Variants in ANKLE2 observed in about 807,000 individuals in gnomAD.
The protein encoded by ANKLE2 is ankyrin repeat and LEM domain containing 2.
A neutral mutation model predicts 84.2 loss-of-function variants in ANKLE2; 55 were observed. That is an observed-to-expected ratio of 0.65 (90% confidence interval 0.53 to 0.82). The LOEUF (loss-of-function observed/expected upper bound fraction) is 0.82. Ranked by LOEUF, ANKLE2 falls within the 40% of genes least tolerant of loss-of-function variation. The pLI, the probability that ANKLE2 is intolerant of heterozygous loss-of-function variation, is 0.00. For synonymous variants in ANKLE2, 551 were observed against 486.1 expected (o/e 1.13, Z -1.76); for missense variants, 1,238 against 1,201.9 (o/e 1.03, Z -0.44).
chr12:132,735,034 G>A (rs1337267873), intron 9 of ANKLE2: 9 of 285,612 alleles, frequency 3.2e-5, no homozygotes, highest in Admixed American at 9.8e-5. Context: ...ACAATTCCAC[G>A]AAGCTTTATT....
chr12:132,734,638 G>GA (rs2043969943), intron 9 of ANKLE2, 63 bp from the exon 10 acceptor site: 8 of 1,488,394 alleles, frequency 5.4e-6, no homozygotes, highest in Non-Finnish European at 7.2e-6. Flanking sequence ...GAACTACACA[G>GA]AAAAAAGCCA....
intron 7 of ANKLE2, chr12:132,738,849 A>AT (rs147848130): frequency 0.059 from 9,009 of 152,106 alleles, 334 homozygotes; most frequent in East Asian, 0.11. Context: ...TATGCTTTTA[A>AT]TTTTTTTCTA....
Position 132,750,669 on chromosome 12 carries a change from G to A in ANKLE2, c.821C>T (p.Pro274Leu), listed in dbSNP as rs755735466. Residue 274 changes from proline to leucine, a missense_variant, in exon 3 of 13, where the codon CCA becomes CTA. This residue lies in a region of ANKLE2 where 422 missense variants were observed against 394.5 expected (regional missense o/e 1.07). Coordinates refer to ENST00000357997, the MANE Select transcript of ANKLE2 (RefSeq NM_015114.3). ...TTTCAACCTGTCATTGCTAAAGAGTGGAGCTGTTTTCACAGGAGACAGTGG... is the reference window on the plus strand; with the variant it reads ...TTTCAACCTGTCATTGCTAAAGAGTAGAGCTGTTTTCACAGGAGACAGTGG... ...SLPLSPVKTA[P>L]LFSNDRLKDG... 11 of 1,614,240 alleles carry A rather than the reference G, an allele frequency of 6.8e-6. No individual in the cohort carries two copies. In the East Asian group the frequency reaches 1.8e-4, roughly 26 times the overall value.
At chr12:132,727,629 C>T (rs10437916) in intron 12 of ANKLE2, among the ~76,000 whole-genome samples, 186 bp from the exon 13 acceptor site, 6,095 of 46,130 alleles carry the variant, frequency 0.13, 4 homozygotes, top group East Asian at 0.19. Flanking sequence ...CCTGGCACCG[C>T]GGGCACACGC....
intron 5 of ANKLE2, among the ~76,000 whole-genome samples, chr12:132,746,210 A>G (rs59343067): frequency 0.057 from 8,628 of 152,136 alleles, 314 homozygotes; most frequent in East Asian, 0.11. Flanking sequence ...TTAGCCAGGC[A>G]TGGTGGCGGG....
At position 132,734,580 on chromosome 12, in the gene ANKLE2, A is replaced by C. The variant is rs764714440; in HGVS notation, c.1701-5T>G. 1 of 1,600,004 alleles carries C rather than the reference A, an allele frequency of 6.2e-7. No individual in the cohort carries two copies. The highest frequency in any genetic ancestry group is 1.8e-5 in the Admixed American group (1 of 55,890). On this transcript the variant is annotated splice_polypyrimidine_tract_variant and splice_region_variant and intron_variant, in intron 9 of 12. Coordinates refer to ENST00000357997, the MANE Select transcript of ANKLE2 (RefSeq NM_015114.3). ...CCCAGCTCATGAGCTAGCTCCCTGT[A>C]AGAAACAAAACACAATTAACCAGCT...
Position 132,747,980 on chromosome 12 carries a change from T to A in ANKLE2, c.1082A>T (p.Glu361Val). 6.3e-7 allele frequency: 1 copy of A among 1,597,478 alleles called. No individual in the cohort carries two copies. Among genetic ancestry groups the A allele is most frequent in the Non-Finnish European group, 8.5e-7 (1 of 1,175,738 alleles). The change falls in exon 5 of 13, where the codon GAG becomes GTG. Residue 361 changes from glutamate to valine, a missense_variant. By Grantham distance (121) the Glu-to-Val change is moderately radical. Around this residue, in one of 3 missense-constraint regions of ANKLE2, gnomAD observed 802 missense variants for 774.5 expected, o/e 1.04. Coordinates refer to ENST00000357997, the MANE Select transcript of ANKLE2 (RefSeq NM_015114.3). The stretch of plus-strand genomic sequence containing the variant: ...CAGCTGGCAGATGGAAGCCTGGTTC[T>A]CTTTGGCAGCAACATGCATCACGTT... ...RYNVMHVAAK[E>V]NQASICQLTL...
chr12:132,735,402 G>C lies in ANKLE2; in HGVS notation c.1700+4C>G. 1.2e-6 allele frequency: 2 copies of C among 1,613,500 alleles called. No individual in the cohort carries two copies. The highest frequency in any genetic ancestry group is 1.7e-6 in the Non-Finnish European group (2 of 1,179,624). ...CACGCTGCTGCGGCTCAGCCTTTCA[G>C]TACCTTCCCACTCTCTCAAAGCCTC... On this transcript the variant is annotated splice_donor_region_variant and intron_variant, in intron 9 of 12. Transcript: ENST00000357997.
In ANKLE2 at chr12:132,726,945, C is replaced by T; in HGVS notation, c.*297G>A. ...CTGCCTGCCTGCAACTGCCTCAGCG[C>T]CCTTTCCTCTGCTATATTTCAGACC... On this transcript the variant is annotated 3_prime_UTR_variant, in exon 13 of 13. Transcript: ENST00000357997. The T allele has an allele frequency of 2.5e-6, 1 of 402,394 alleles. No individual in the cohort carries two copies. Among genetic ancestry groups the T allele is most frequent in the Non-Finnish European group, 4.5e-6 (1 of 224,172 alleles). The allele number at this position is 402,394 out of a possible 1,614,324, so 24.9% of individuals were successfully genotyped here.
chr12:132,752,637 G>A (rs989322056), intron 2 of ANKLE2, among the ~76,000 whole-genome samples: 16 of 152,150 alleles, frequency 1.1e-4, no homozygotes, highest in African/African-American at 3.6e-4. Flanking sequence ...CCAAAGTGCT[G>A]GGATTACAGG....
At chr12:132,737,280 T>C in intron 7 of ANKLE2, 1 of 469,604 alleles carries the variant, frequency 2.1e-6, no homozygotes, top group Non-Finnish European at 3.7e-6. Context: ...CTCACTTCAC[T>C]TAACCAGCCT....
intron 10 of ANKLE2, among the ~76,000 whole-genome samples, chr12:132,732,769 G>A (rs1484036674): frequency 7.8e-6 from 1 of 128,152 alleles, no homozygotes; most frequent in Non-Finnish European, 1.7e-5. Flanking sequence ...TGCGCGTCCT[G>A]GTGTCTGATA....
chr12:132,761,437 A>C, intron 1 of ANKLE2, 181 bp downstream of exon 1: 1 of 478,108 alleles, frequency 2.1e-6, no homozygotes, highest in Non-Finnish European at 3.2e-6. Flanking sequence ...CGGGAAGCCA[A>C]GTCCCCGCAA....
In ANKLE2 at chr12:132,735,510, T is replaced by C. The variant is rs1335801999; in HGVS notation, c.1596A>G (p.Ala532=). Residue 532 remains alanine (A), a splice_region_variant and synonymous_variant, in exon 9 of 13, where the codon GCA becomes GCG. Coordinates refer to ENST00000357997, the MANE Select transcript of ANKLE2 (RefSeq NM_015114.3). ...AFAGPLSPAK[A]EDFRKLWKTP... is the part of the protein sequence containing the mutation. ...TTTTCCAGAGCTTGCGAAAATCTTCTGCCTATGAAGAAAAAAAAATGTATT... is the reference window on the plus strand; with the variant it reads ...TTTTCCAGAGCTTGCGAAAATCTTCCGCCTATGAAGAAAAAAAAATGTATT... The C allele has an allele frequency of 6.2e-6, 10 of 1,611,736 alleles. No individual in the cohort carries two copies. The highest frequency in any genetic ancestry group is 8.5e-6 in the Non-Finnish European group (10 of 1,179,294).
chr12:132,730,977 T>C lies in ANKLE2; in HGVS notation c.1892-707A>G, dbSNP rs1305694909. 3 of 152,276 alleles carry C rather than the reference T, an allele frequency of 2.0e-5. No individual in the cohort carries two copies. The East Asian group carries it at 5.8e-4, about 29-fold the overall frequency. The allele number at this position is 152,276 out of a possible 1,614,324, so 9.4% of individuals were successfully genotyped here. A position where few individuals can be genotyped will look rare whatever the true frequency, so the allele number is the denominator to read the frequency against. On this transcript the variant is annotated intron_variant, in intron 10 of 12. Transcript: ENST00000357997. The stretch of plus-strand genomic sequence containing the variant: ...ACCCCAGGGGCTCCGAGTGTCACAG[T>C]GCCCCAGAGGATCCCGAAGATCGTC...
rs375289089 is a variant in ANKLE2 at position 132,727,416 on chromosome 12, C to A, written c.2643G>T (p.Arg881Ser). The A allele has an allele frequency of 2.6e-5, 40 of 1,559,650 alleles. No individual in the cohort carries two copies. The highest frequency in any genetic ancestry group is 3.2e-5 in the Non-Finnish European group (37 of 1,151,808). The change falls in exon 13 of 13, where the codon AGG becomes AGT. Residue 881 changes from arginine to serine, a missense_variant. By Grantham distance (110) the Arg-to-Ser change is moderately radical (BLOSUM62 -1). Around this residue, in one of 3 missense-constraint regions of ANKLE2, gnomAD observed 802 missense variants for 774.5 expected, o/e 1.04. Transcript: ENST00000357997. ...QSWPSPAVKG[R>S]FKSQLPDLSG... ...TGAGATCTGGCAGCTGAGACTTGAACCTTCCTTTCACCGCGGGACTGGGCC... is the reference window on the plus strand; with the variant it reads ...TGAGATCTGGCAGCTGAGACTTGAAACTTCCTTTCACCGCGGGACTGGGCC...
At chr12:132,750,292 A>G (rs2044328816) in intron 3 of ANKLE2, among the ~76,000 whole-genome samples, 2 of 151,752 alleles carry the variant, frequency 1.3e-5, no homozygotes, top group Non-Finnish European at 1.5e-5. Context: ...AGGCTAAAGC[A>G]GGTGGATTGC....
At chr12:132,759,646 AAAC>A (rs905563044) in intron 1 of ANKLE2, 5 of 127,904 alleles carry the variant, frequency 3.9e-5, no homozygotes, top group Admixed American at 2.1e-4. Flanking sequence ...GCCATTCTCA[AAAC>A]ACCACCCTCA....
At chr12:132,740,243 C>T (rs2044094562) in intron 7 of ANKLE2, among the ~76,000 whole-genome samples, 2 of 152,214 alleles carry the variant, frequency 1.3e-5, no homozygotes, top group African/African-American at 4.8e-5. Flanking sequence ...GGATTCATTT[C>T]CTGTGCACAG....
Sources: allele counts gnomAD v4.1 joint callset (sites outside exome capture counted in the v4.1 genomes callset), GRCh38; gene constraint gnomAD v4.1.1; regional missense constraint gnomAD v4.1.1; transcripts MANE v1.5; gene names NCBI Gene and HGNC (gene_info 2026-07-23, HGNC 2026-07-21).